The following FHIP1A variants were observed in gnomAD, a reference collection of about 807,000 sequenced individuals.
The protein encoded by FHIP1A is FHF complex subunit HOOK interacting protein 1A, also known as FHF complex subunit HOOK-interacting protein 1A.
Under a neutral mutation model 88.6 loss-of-function variants are expected in FHIP1A, and 61 were observed. The observed-to-expected ratio is 0.69, with a 90% CI of 0.56 to 0.85. The LOEUF is 0.85. Ranked by LOEUF, FHIP1A falls within the 40% of genes least tolerant of loss-of-function variation. FHIP1A has a pLI of 0.00. For missense variants in FHIP1A, 1,154 were observed against 1,273.5 expected (o/e 0.91, Z 1.43); for synonymous variants, 478 against 496.0 (o/e 0.96, Z 0.48).
chr4:151,509,904 G>C (rs1406135096), intron 3 of FHIP1A, among the ~76,000 whole-genome samples: 3 of 151,934 alleles, frequency 2.0e-5, no homozygotes, highest in Non-Finnish European at 4.4e-5. Context: ...TTCTTTGTTG[G>C]GCAGGAACCT....
chr4:151,485,149 T>A (rs1730031714), intron 3 of FHIP1A, among the ~76,000 whole-genome samples: 1 of 152,192 alleles, frequency 6.6e-6, no homozygotes, highest in Non-Finnish European at 1.5e-5. Context: ...TTTCATAATT[T>A]TATCAATTTT....
intron 3 of FHIP1A, among the ~76,000 whole-genome samples, chr4:151,518,685 C>T (rs377136035): frequency 9.1e-6 from 1 of 109,332 alleles, no homozygotes; most frequent in African/African-American, 3.2e-5. Flanking sequence ...CCTTTCCTCC[C>T]CTCCCCTCCC....
At chr4:151,419,382 G>A (rs1287762896) in intron 1 of FHIP1A, among the ~76,000 whole-genome samples, 4 of 152,102 alleles carry the variant, frequency 2.6e-5, no homozygotes, top group Non-Finnish European at 5.9e-5. Context: ...TGCAGATCTT[G>A]AGACTTCTTG....
chr4:151,568,902 C>CA (rs1253199597), intron 4 of FHIP1A, among the ~76,000 whole-genome samples: 2 of 151,824 alleles, frequency 1.3e-5, no homozygotes, highest in African/African-American at 2.4e-5. Context: ...GAGGGGAAGG[C>CA]AAAAAAATCA....
chr4:151,650,138 G>T lies in FHIP1A; in HGVS notation c.2097G>T (p.Arg699Ser). 1 of 1,551,640 alleles carries T rather than the reference G, an allele frequency of 6.4e-7. No homozygotes were observed. Among genetic ancestry groups the T allele is most frequent in the Non-Finnish European group, 8.7e-7 (1 of 1,146,978 alleles). The change falls in exon 11 of 14, where the codon AGG becomes AGT. Residue 699 changes from arginine to serine, a missense_variant. Coordinates refer to ENST00000435205, the MANE Select transcript of FHIP1A (RefSeq NM_001109977.3). ...CAGATTCAGAGGAGGAGTGGAATAG[G>T]GACAATTCAGACCCGTTTCACAGTG... Reference protein sequence around the residue: ...PETDSEEEWNRDNSDPFHSEP... With the variant: ...PETDSEEEWNSDNSDPFHSEP...
At chr4:151,430,472 T>G (rs1294889972) in intron 1 of FHIP1A, among the ~76,000 whole-genome samples, 1 of 152,254 alleles carries the variant, frequency 6.6e-6, no homozygotes, top group Non-Finnish European at 1.5e-5. Flanking sequence ...ATATTTTCAT[T>G]GACTTAGCTG....
intron 7 of FHIP1A, among the ~76,000 whole-genome samples, chr4:151,594,100 A>G (rs1268939732): frequency 2.0e-5 from 3 of 152,238 alleles, no homozygotes; most frequent in Admixed American, 6.5e-5. Context: ...CTTGCATCCC[A>G]GGGATGAAGC....
intron 1 of FHIP1A, among the ~76,000 whole-genome samples, chr4:151,425,979 C>A (rs1294161961): frequency 6.6e-6 from 1 of 152,116 alleles, no homozygotes; most frequent in Non-Finnish European, 1.5e-5. Flanking sequence ...TTAATTTAGT[C>A]ACATCTTTTG....
At chr4:151,543,847 A>G (rs1212001344) in intron 3 of FHIP1A, among the ~76,000 whole-genome samples, 1 of 152,228 alleles carries the variant, frequency 6.6e-6, no homozygotes, top group Admixed American at 6.5e-5. Flanking sequence ...TGGATCAAAG[A>G]TTATGGCTTA....
chr4:151,470,428 C>A (rs1045010453), intron 2 of FHIP1A, among the ~76,000 whole-genome samples: 2 of 152,092 alleles, frequency 1.3e-5, no homozygotes, highest in African/African-American at 4.8e-5. Context: ...ACATGCATTC[C>A]TCTTTTACTT....
intron 9 of FHIP1A, among the ~76,000 whole-genome samples, chr4:151,645,479 G>C (rs933574694): frequency 6.6e-6 from 1 of 151,908 alleles, no homozygotes; most frequent in African/African-American, 2.4e-5. Context: ...AGGCCTGAAG[G>C]CATGTCCTGA....
At chr4:151,611,430 A>G (rs780410142) in intron 7 of FHIP1A, among the ~76,000 whole-genome samples, 37 of 152,230 alleles carry the variant, frequency 2.4e-4, no homozygotes, top group Non-Finnish European at 4.6e-4. Context: ...TGGCTCCAAG[A>G]ATGATGTTTG....
intron 3 of FHIP1A, among the ~76,000 whole-genome samples, chr4:151,559,660 A>T (rs1733096043): frequency 6.6e-6 from 1 of 152,228 alleles, no homozygotes; most frequent in African/African-American, 2.4e-5. Flanking sequence ...TGTCGTTTAT[A>T]TAACCAAACC....
intron 1 of FHIP1A, among the ~76,000 whole-genome samples, chr4:151,418,612 G>C (rs1182157999): frequency 6.6e-6 from 1 of 152,116 alleles, no homozygotes; most frequent in Non-Finnish European, 1.5e-5. Flanking sequence ...GTCAATATTG[G>C]CATGCCAGGA....
intron 3 of FHIP1A, among the ~76,000 whole-genome samples, chr4:151,517,687 C>T (rs1202315874): frequency 6.6e-6 from 1 of 151,994 alleles, no homozygotes; most frequent in Non-Finnish European, 1.5e-5. Context: ...TTATAATGGA[C>T]CTGAAAAATT....
At chr4:151,481,628 A>ACT (rs1729899149) in intron 2 of FHIP1A, among the ~76,000 whole-genome samples, 3 of 152,150 alleles carry the variant, frequency 2.0e-5, no homozygotes, top group African/African-American at 7.2e-5. Context: ...AAGAATGGCT[A>ACT]CTCCATAGGC....
At chr4:151,662,282 G>A (rs1008885612) in intron 13 of FHIP1A, among the ~76,000 whole-genome samples, 3 of 152,230 alleles carry the variant, frequency 2.0e-5, no homozygotes, top group African/African-American at 7.2e-5. Flanking sequence ...TTGGGTGAAA[G>A]TCTCATATCA....
intron 9 of FHIP1A, among the ~76,000 whole-genome samples, chr4:151,644,389 T>C (rs1736709141): frequency 6.6e-6 from 1 of 152,012 alleles, no homozygotes; most frequent in Admixed American, 6.6e-5. Context: ...TCTCACTCTG[T>C]CCCCCAGGCT....
At chr4:151,475,561 T>A (rs1309564075) in intron 2 of FHIP1A, among the ~76,000 whole-genome samples, 2 of 152,054 alleles carry the variant, frequency 1.3e-5, no homozygotes, top group Non-Finnish European at 2.9e-5. Context: ...TGCACATTCC[T>A]GAGGTGAGAA....
Sources: gnomAD v4.1 joint callset for allele counts (sites outside exome capture counted in the v4.1 genomes callset) on GRCh38, gnomAD v4.1.1 for gene constraint, MANE v1.5 for transcripts, NCBI Gene and HGNC (gene_info 2026-07-23, HGNC 2026-07-21) for gene names.